Variants in XRCC4 observed in about 807,000 individuals in gnomAD.
The protein encoded by XRCC4 is DNA repair protein XRCC4.
In XRCC4, 28 loss-of-function variants were observed where a neutral mutation model predicts 39.1. The ratio of observed to expected loss-of-function variants is 0.72; its 90% CI spans 0.53 to 0.98. XRCC4 has a LOEUF of 0.98. Ranked by LOEUF, XRCC4 falls within the 50% of genes least tolerant of loss-of-function variation. XRCC4 has a pLI of 0.00. For synonymous variants in XRCC4, 123 were observed against 126.4 expected, an observed-to-expected ratio of 0.97 and a Z score of 0.18; for missense variants, 350 against 376.4, an observed-to-expected ratio of 0.93 and a Z score of 0.58.
intron 7 of XRCC4, among the ~76,000 whole-genome samples, chr5:83,285,026 A>T (rs915181529): frequency 6.6e-6 from 1 of 152,126 alleles, no homozygotes; most frequent in Non-Finnish European, 1.5e-5. Flanking sequence ...ACAGACTCAA[A>T]ATTTCATGGC....
At chr5:83,247,909 C>G (rs1283147326) in intron 6 of XRCC4, among the ~76,000 whole-genome samples, 2 of 152,084 alleles carry the variant, frequency 1.3e-5, no homozygotes. Flanking sequence ...TTTCATTTTT[C>G]TTGATTAATT....
At chr5:83,250,674 A>G (rs28360217) in intron 6 of XRCC4, among the ~76,000 whole-genome samples, 5,887 of 66,462 alleles carry the variant, frequency 0.089, 362 homozygotes, top group African/African-American at 0.26. Context: ...ACATCCTGAA[A>G]ACCTAATTTT....
At chr5:83,226,519 C>G (rs1752296967) in intron 6 of XRCC4, among the ~76,000 whole-genome samples, 1 of 152,056 alleles carries the variant, frequency 6.6e-6, no homozygotes, top group Non-Finnish European at 1.5e-5. Context: ...ATACACAGGT[C>G]TACTCCCCTC....
At position 83,309,266 on chromosome 5, in the gene XRCC4, CAAAA is replaced by C. The variant is rs59326460; in HGVS notation, c.894-43837_894-43834del. Among the ~76,000 whole-genome samples, 92 of 17,302 alleles carry C rather than the reference CAAAA, an allele frequency of 5.3e-3. 1 individual carries two copies. Among genetic ancestry groups the C allele is most frequent in the African/African-American group, 0.012 (90 of 7,682 alleles). 11.4% of individuals were successfully genotyped at this position (17,302 alleles called of 152,430 possible). ...TGGGTGACAGAGCGAGACTCCGTCT[CAAAA>C]AAAAAAAAAAAAAAAAAAAAAAAAA... On this transcript the variant is annotated intron_variant, in intron 7 of 7. Transcript: ENST00000396027.
chr5:83,172,332 A>G (rs549435093), intron 3 of XRCC4, among the ~76,000 whole-genome samples: 8 of 152,160 alleles, frequency 5.3e-5, no homozygotes, highest in Non-Finnish European at 1.2e-4. Flanking sequence ...CAAGCCTTCT[A>G]ACCATTGCTT....
intron 7 of XRCC4, among the ~76,000 whole-genome samples, chr5:83,262,838 CTTTTTT>C (rs72274529): frequency 8.4e-6 from 1 of 119,488 alleles, no homozygotes; most frequent in Non-Finnish European, 1.7e-5. Context: ...TTATCACAGT[CTTTTTT>C]TTTTTTTTTT....
chr5:83,165,512 T>C (rs1225298353), intron 3 of XRCC4, among the ~76,000 whole-genome samples: 1 of 152,204 alleles, frequency 6.6e-6, no homozygotes, highest in Non-Finnish European at 1.5e-5. Context: ...GTGTTACATG[T>C]GCAGCTTTGT....
the XRCC4 span, among the ~76,000 whole-genome samples, chr5:83,360,496 A>G: frequency 6.6e-6 from 1 of 152,166 alleles, no homozygotes; most frequent in Non-Finnish European, 1.5e-5. Context: ...ATTCTCATGA[A>G]TATTTGCTCT....
intron 7 of XRCC4, among the ~76,000 whole-genome samples, chr5:83,298,782 A>C (rs1755178767): frequency 6.6e-6 from 1 of 151,982 alleles, no homozygotes; most frequent in African/African-American, 2.4e-5. Context: ...AAGTCAACCA[A>C]GTACCCTTTG....
chr5:83,215,328 G>T (rs1446686965), intron 6 of XRCC4, among the ~76,000 whole-genome samples: 1 of 152,048 alleles, frequency 6.6e-6, no homozygotes, highest in African/African-American at 2.4e-5. Context: ...GACAGAGCGA[G>T]ACCCTGTCTC....
chr5:83,104,087 T>A (rs1295013485), intron 1 of XRCC4, among the ~76,000 whole-genome samples: 1 of 152,184 alleles, frequency 6.6e-6, no homozygotes, highest in East Asian at 1.9e-4. Context: ...GCAGAAACAT[T>A]TATTGGCCTC....
intron 7 of XRCC4, among the ~76,000 whole-genome samples, chr5:83,289,448 T>G (rs777324744): frequency 9.2e-5 from 14 of 151,894 alleles, no homozygotes; most frequent in Non-Finnish European, 1.8e-4. Context: ...GTTGTAGCTG[T>G]AGGTGTCAGA....
At chr5:83,177,403 C>G (rs564218895) in intron 3 of XRCC4, among the ~76,000 whole-genome samples, 1 of 150,458 alleles carries the variant, frequency 6.6e-6, no homozygotes, top group African/African-American at 2.4e-5. Flanking sequence ...AAAGCAGTAA[C>G]ACTATCAGTT....
At chr5:83,329,551 T>C (rs1039616101) in intron 7 of XRCC4, among the ~76,000 whole-genome samples, 43 of 152,256 alleles carry the variant, frequency 2.8e-4, no homozygotes, top group Non-Finnish European at 5.1e-4. Flanking sequence ...CACTTATTAA[T>C]TTTAAAGGGT....
At chr5:83,153,671 A>G (rs956091067) in intron 3 of XRCC4, among the ~76,000 whole-genome samples, 1 of 152,112 alleles carries the variant, frequency 6.6e-6, no homozygotes, top group Admixed American at 6.5e-5. Flanking sequence ...ACAATCACAC[A>G]TGCATTGCTG....
At position 83,131,425 on chromosome 5, in the gene XRCC4, G is replaced by T. The variant is rs192607233; in HGVS notation, c.315+20222G>T. ...GGTGCAGAGCTGAGTTCAATTCCTG[G>T]GTATCTTTGTTAACTTTCTGTCTCA... On this transcript the variant is annotated intron_variant, in intron 3 of 7. Transcript: ENST00000396027. Among the ~76,000 whole-genome samples the T allele has an allele frequency of 4.9e-3, 742 of 152,058 alleles. 8 individuals carry two copies. Among genetic ancestry groups the T allele is most frequent in the African/African-American group, 0.017 (710 of 41,498 alleles).
At chr5:83,214,230 A>G (rs1350148182) in intron 6 of XRCC4, among the ~76,000 whole-genome samples, 1 of 152,206 alleles carries the variant, frequency 6.6e-6, no homozygotes, top group African/African-American at 2.4e-5. Context: ...AAAATAAGAT[A>G]AAAGGTATTC....
chr5:83,362,726 A>T, the XRCC4 span, among the ~76,000 whole-genome samples: 5 of 152,334 alleles, frequency 3.3e-5, no homozygotes, highest in South Asian at 1.0e-3. Flanking sequence ...TCCTACAATC[A>T]GCAAATATTA....
At chr5:83,087,964 C>A (rs1228224231) in intron 1 of XRCC4, among the ~76,000 whole-genome samples, 2 of 152,058 alleles carry the variant, frequency 1.3e-5, no homozygotes, top group African/African-American at 4.8e-5. Flanking sequence ...ATATACATTT[C>A]AATTGTTAAG....
Sources: gnomAD v4.1 joint callset for allele counts (sites outside exome capture counted in the v4.1 genomes callset) on GRCh38, gnomAD v4.1.1 for gene constraint, MANE v1.5 for transcripts, NCBI Gene and HGNC (gene_info 2026-07-23, HGNC 2026-07-21) for gene names.